The following CADPS variants were observed in gnomAD, a reference collection of about 807,000 sequenced individuals.
The protein encoded by CADPS is calcium-dependent secretion activator 1.
Under a neutral mutation model 167.3 loss-of-function variants are expected in CADPS, and 57 were observed. The ratio of observed to expected loss-of-function variants is 0.34; its 90% CI spans 0.28 to 0.42. The LOEUF (loss-of-function observed/expected upper bound fraction) is 0.42, where lower values mean the gene tolerates loss of function less well. Among genes scored for constraint, CADPS ranks in the 20% least tolerant of loss-of-function variants. The probability of loss-of-function intolerance (pLI) is 1.00; values close to 1 mark genes in which losing one functional copy is unlikely to be tolerated. For synonymous variants in CADPS, 676 were observed against 635.3 expected (o/e 1.06, Z -0.96); for missense variants, 1,414 against 1,738.1 (o/e 0.81, Z 3.32).
intron 6 of CADPS, among the ~76,000 whole-genome samples, chr3:62,640,125 G>T (rs2067131617): frequency 1.3e-5 from 2 of 152,264 alleles, no homozygotes; most frequent in East Asian, 1.9e-4. Context: ...AGCATCCTGT[G>T]TACACTTGCT....
At chr3:62,706,198 C>A (rs1463400410) in intron 3 of CADPS, among the ~76,000 whole-genome samples, 1 of 152,118 alleles carries the variant, frequency 6.6e-6, no homozygotes, top group Non-Finnish European at 1.5e-5. Flanking sequence ...ACTTGAATGG[C>A]ACCTCTCTAA....
intron 1 of CADPS, among the ~76,000 whole-genome samples, chr3:62,871,507 C>A (rs960860050): frequency 6.6e-6 from 1 of 152,072 alleles, no homozygotes; most frequent in African/African-American, 2.4e-5. Flanking sequence ...TTATCCTAGA[C>A]TATTTCTAGC....
At chr3:62,755,523 A>G (rs576807532) in intron 2 of CADPS, among the ~76,000 whole-genome samples, 4 of 152,196 alleles carry the variant, frequency 2.6e-5, no homozygotes, top group Admixed American at 1.3e-4. Flanking sequence ...CAGGAAATGC[A>G]CTTGTTGGCC....
intron 26 of CADPS, among the ~76,000 whole-genome samples, chr3:62,459,489 A>G (rs1293631844): frequency 6.6e-6 from 1 of 152,060 alleles, no homozygotes; most frequent in African/African-American, 2.4e-5. Context: ...CCTAAAATTT[A>G]CTAGATCTTC....
At chr3:62,797,786 C>G (rs903881740) in intron 1 of CADPS, among the ~76,000 whole-genome samples, 4 of 151,858 alleles carry the variant, frequency 2.6e-5, no homozygotes, top group African/African-American at 9.7e-5. Context: ...ACCTATGTAA[C>G]AAACCTGCAC....
rs543553072 is a variant in CADPS at position 62,536,361 on chromosome 3, G to T, written c.2103+84C>A. The T allele has an allele frequency of 1.7e-6, 2 of 1,198,260 alleles. 1 individual carries two copies. 74.2% of individuals were successfully genotyped at this position (1,198,260 alleles called of 1,614,324 possible). A position where few individuals can be genotyped will look rare whatever the true frequency, so the allele number is the denominator to read the frequency against. On this transcript the variant is annotated intron_variant, in intron 12 of 29. Transcript: ENST00000383710. The stretch of plus-strand genomic sequence containing the variant: ...TAAAGGGATTCTGTAATGGAGAAAA[G>T]AGCTTCTGACATAAAGGTAGAGAAA...
At chr3:62,453,831 G>A (rs2058369330) in intron 26 of CADPS, among the ~76,000 whole-genome samples, 1 of 152,190 alleles carries the variant, frequency 6.6e-6, no homozygotes, top group South Asian at 2.1e-4. Context: ...TGTCTTCTTT[G>A]CTTACCGAAC....
intron 3 of CADPS, among the ~76,000 whole-genome samples, chr3:62,688,751 C>T (rs780806250): frequency 8.6e-5 from 13 of 152,034 alleles, no homozygotes; most frequent in Non-Finnish European, 1.9e-4. Context: ...CCTCTAAGAA[C>T]TTGCCATCCT....
At chr3:62,573,544 C>A (rs936789137) in intron 8 of CADPS, among the ~76,000 whole-genome samples, 14 of 152,204 alleles carry the variant, frequency 9.2e-5, no homozygotes, top group Admixed American at 7.9e-4. Context: ...TCTCTGCTTA[C>A]CCCCTTGACT....
Position 62,399,337 on chromosome 3 carries a change from T to G in CADPS, c.*69A>C. 1 of 1,468,506 alleles carries G rather than the reference T, an allele frequency of 6.8e-7. No homozygotes were observed. Among genetic ancestry groups the G allele is most frequent in the Non-Finnish European group, 9.4e-7 (1 of 1,065,028 alleles). 91.0% of individuals were successfully genotyped at this position (1,468,506 alleles called of 1,614,324 possible). A position where few individuals can be genotyped will look rare whatever the true frequency, so the allele number is the denominator to read the frequency against. On this transcript the variant is annotated 3_prime_UTR_variant, in exon 30 of 30. Coordinates refer to ENST00000383710, the MANE Select transcript of CADPS (RefSeq NM_003716.4). The surrounding 1 kb of genome is among the most constrained non-coding windows in gnomAD (Gnocchi z 5.6). Reference sequence around the variant, plus strand: ...AGTTGACAGAAAATTCCTAATGGGTTTAACTAACAGACTAAGGACATGCAC... The same window carrying G: ...AGTTGACAGAAAATTCCTAATGGGTGTAACTAACAGACTAAGGACATGCAC...
rs959719521 is a variant in CADPS at position 62,638,562 on chromosome 3, G to GT, written c.1325+7159dup. Among the ~76,000 whole-genome samples, 64 of 152,124 alleles carry GT rather than the reference G, an allele frequency of 4.2e-4. 1 individual carries two copies. The highest frequency in any genetic ancestry group is 9.2e-4 in the Admixed American group (14 of 15,274). Reference sequence around the variant, plus strand: ...ACCTACAGTCACTTAGTCCTTAAGGGTTTTTTTAAAAAGAGTACAGCCTTG... The same window carrying GT: ...ACCTACAGTCACTTAGTCCTTAAGGGTTTTTTTTAAAAAGAGTACAGCCTTG... On this transcript the variant is annotated intron_variant, in intron 6 of 29. Coordinates refer to ENST00000383710, the MANE Select transcript of CADPS (RefSeq NM_003716.4).
chr3:62,696,020 TG>T (rs1193070959), intron 3 of CADPS, among the ~76,000 whole-genome samples: 1 of 152,164 alleles, frequency 6.6e-6, no homozygotes, highest in African/African-American at 2.4e-5. Context: ...ATCTGCCTTT[TG>T]TCAGTTATCA....
At chr3:62,444,262 T>C (rs532764570) in intron 27 of CADPS, among the ~76,000 whole-genome samples, 1 of 152,206 alleles carries the variant, frequency 6.6e-6, no homozygotes, top group Non-Finnish European at 1.5e-5. Context: ...CGCTGATGTC[T>C]GCAAATTCAT....
chr3:62,549,314 C>A (rs982371240), intron 11 of CADPS, among the ~76,000 whole-genome samples: 2 of 151,844 alleles, frequency 1.3e-5, no homozygotes, highest in African/African-American at 4.8e-5. Context: ...GGAAAAGGGG[C>A]AAGAAATTAA....
At chr3:62,505,199 C>G (rs2066448443) in intron 17 of CADPS, among the ~76,000 whole-genome samples, 1 of 152,164 alleles carries the variant, frequency 6.6e-6, no homozygotes, top group Non-Finnish European at 1.5e-5. Flanking sequence ...AGGTTGAAAT[C>G]TAATACAATT....
At chr3:62,723,380 C>T (rs1227664629) in intron 3 of CADPS, among the ~76,000 whole-genome samples, 1 of 152,100 alleles carries the variant, frequency 6.6e-6, no homozygotes, top group Non-Finnish European at 1.5e-5. Context: ...TGATGCCAGC[C>T]TTAAGGTTGC....
At chr3:62,686,608 T>A (rs1261975303) in intron 3 of CADPS, among the ~76,000 whole-genome samples, 1 of 152,072 alleles carries the variant, frequency 6.6e-6, no homozygotes, top group South Asian at 2.1e-4. Context: ...GCTAACATAA[T>A]CCCCATATTT....
Position 62,438,509 on chromosome 3 carries a change from T to C in CADPS, c.3670-298A>G. On this transcript the variant is annotated intron_variant, in intron 27 of 29. Coordinates refer to ENST00000383710, the MANE Select transcript of CADPS (RefSeq NM_003716.4). The surrounding 1 kb of genome is among the most constrained non-coding windows in gnomAD (Gnocchi z 4.7). ...ATTTATCTAATGGATAAATCTTTAC[T>C]GCATAACCCATAGATGTTCTCTGAC... 3.0e-6 allele frequency: 1 copy of C among 332,396 alleles called. No homozygotes were observed. Among genetic ancestry groups the C allele is most frequent in the Non-Finnish European group, 5.6e-6 (1 of 177,090 alleles). The allele number at this position is 332,396 out of a possible 1,614,324, so 20.6% of individuals were successfully genotyped here. A position where few individuals can be genotyped will look rare whatever the true frequency, so the allele number is the denominator to read the frequency against.
chr3:62,641,920 A>T (rs1254648527), intron 6 of CADPS, among the ~76,000 whole-genome samples: 1 of 152,164 alleles, frequency 6.6e-6, no homozygotes, highest in Non-Finnish European at 1.5e-5. Flanking sequence ...TAATGAACGC[A>T]GTGTTATTAT....
Sources: gnomAD v4.1 joint callset for allele counts (sites outside exome capture counted in the v4.1 genomes callset) on GRCh38, gnomAD v4.1.1 for gene constraint, Gnocchi (gnomAD v3.1) non-coding constraint, MANE v1.5 for transcripts, NCBI Gene and HGNC (gene_info 2026-07-23, HGNC 2026-07-21) for gene names.